EIF4E3: variants seen among roughly 807,000 people sequenced by gnomAD.
The protein encoded by EIF4E3 is eukaryotic translation initiation factor 4E type 3.
A neutral mutation model predicts 31.7 loss-of-function variants in EIF4E3; 26 were observed. The observed-to-expected ratio is 0.82, with a 90% confidence interval of 0.60 to 1.14. The LOEUF (loss-of-function observed/expected upper bound fraction) is 1.14, where lower values mean the gene tolerates loss of function less well. EIF4E3 is among the 50% of genes most tolerant of loss of function. EIF4E3 has a pLI of 0.00. For missense variants in EIF4E3, 304 were observed against 270.9 expected, an observed-to-expected ratio of 1.12 and a Z score of -0.86; for synonymous variants, 128 against 107.7, an observed-to-expected ratio of 1.19 and a Z score of -1.17.
At chr3:71,686,169 TGATA>T (rs1399774184) in intron 6 of EIF4E3, among the ~76,000 whole-genome samples, 2 of 152,102 alleles carry the variant, frequency 1.3e-5, no homozygotes, top group African/African-American at 4.8e-5. Flanking sequence ...TCTTTTTGAT[TGATA>T]GAGACAGGGT....
chr3:71,729,592 A>G (rs1462274750), upstream of EIF4E3, among the ~76,000 whole-genome samples: 1 of 152,210 alleles, frequency 6.6e-6, no homozygotes, highest in African/African-American at 2.4e-5. Flanking sequence ...CTCTCGAGTT[A>G]TCGTTAGGAT....
intron 3 of EIF4E3, among the ~76,000 whole-genome samples, chr3:71,699,401 C>A (rs924845996): frequency 6.6e-6 from 1 of 152,154 alleles, no homozygotes; most frequent in African/African-American, 2.4e-5. Context: ...ACTGGGACTC[C>A]AGCCTGGGCA....
At chr3:71,713,728 C>T (rs1233484563) in intron 1 of EIF4E3, among the ~76,000 whole-genome samples, 2 of 152,082 alleles carry the variant, frequency 1.3e-5, no homozygotes, top group African/African-American at 2.4e-5. Flanking sequence ...TGAGCCATCA[C>T]CTCGAGGCCT....
chr3:71,681,580 G>A lies in EIF4E3; in HGVS notation c.*3102C>T, dbSNP rs971528435. On this transcript the variant is annotated 3_prime_UTR_variant, in exon 7 of 7. Transcript: ENST00000425534. Reference sequence around the variant, plus strand: ...AGATATTTAATGCTTGATTAGGGTGGCTAGTGGGCAGGTTAAGGCTGGCAG... The same window carrying A: ...AGATATTTAATGCTTGATTAGGGTGACTAGTGGGCAGGTTAAGGCTGGCAG... 3.3e-5 allele frequency: 5 copies of A among 152,226 alleles called. No individual in the cohort carries two copies. The highest frequency in any genetic ancestry group is 3.3e-4 in the Admixed American group (5 of 15,280). The allele number at this position is 152,226 out of a possible 1,614,324, so 9.4% of individuals were successfully genotyped here. A position where few individuals can be genotyped will look rare whatever the true frequency, so the allele number is the denominator to read the frequency against.
intron 1 of EIF4E3, among the ~76,000 whole-genome samples, chr3:71,712,011 C>CCG (rs1160753224): frequency 5.3e-5 from 8 of 152,104 alleles, no homozygotes; most frequent in African/African-American, 1.9e-4. Context: ...ATTCTGAATA[C>CCG]CGCTTCCTTA....
chr3:71,669,490 CTAAG>C, the EIF4E3 span, among the ~76,000 whole-genome samples: 2 of 152,124 alleles, frequency 1.3e-5, no homozygotes, highest in African/African-American at 2.4e-5. Context: ...AATTTTTGAA[CTAAG>C]TGTTTTGTCT....
At chr3:71,674,090 CTTTTTTTTTTTT>C (rs71277509), downstream of EIF4E3, among the ~76,000 whole-genome samples, 18 of 25,070 alleles carry the variant, frequency 7.2e-4, no homozygotes, top group South Asian at 4.6e-3. Flanking sequence ...ATCAACTGTA[CTTTTTTTTTTTT>C]TTTTTTTTTT....
intron 2 of EIF4E3, 94 bp downstream of exon 2, chr3:71,710,318 C>A: frequency 1.4e-6 from 2 of 1,398,476 alleles, no homozygotes; most frequent in Non-Finnish European, 2.0e-6. Context: ...GAACCCTGGA[C>A]AGGGGCTGCC....
At chr3:71,694,701 C>T (rs1421230222) in intron 4 of EIF4E3, among the ~76,000 whole-genome samples, 1 of 152,168 alleles carries the variant, frequency 6.6e-6, no homozygotes, top group Non-Finnish European at 1.5e-5. Context: ...TGCCCCCAAA[C>T]TAGGTTTGAA....
At chr3:71,704,834 AGTCTC>A (rs1362258181) in intron 2 of EIF4E3, among the ~76,000 whole-genome samples, 2 of 152,214 alleles carry the variant, frequency 1.3e-5, no homozygotes, top group Admixed American at 1.3e-4. Flanking sequence ...AACAAGGTCA[AGTCTC>A]ACCCCACCCA....
At chr3:71,696,555 G>A (rs757571848) in intron 3 of EIF4E3, 35 bp from the exon 4 acceptor site, 1 of 1,610,930 alleles carries the variant, frequency 6.2e-7, no homozygotes, top group Admixed American at 1.7e-5. Flanking sequence ...GTTACACTCA[G>A]GACTAAGTGA....
Position 71,712,226 on chromosome 3 carries a change from A to G in EIF4E3, c.177-1742T>C, listed in dbSNP as rs185533012. 5.9e-5 allele frequency among the ~76,000 whole-genome samples: 9 copies of G among 152,310 alleles called. No individual in the cohort carries two copies. The East Asian group carries it at 1.7e-3, about 29-fold the overall frequency. On this transcript the variant is annotated intron_variant, in intron 1 of 6. Transcript: ENST00000425534. ...GTTGTCAGACTTTAAGCCTAAAATA[A>G]CTATGTCAAAGAGTGTGGCAAAGAA... is the stretch of plus-strand genomic sequence containing the variant.
chr3:71,680,011 A>G lies in EIF4E3; in HGVS notation c.*4671T>C, dbSNP rs2048904776. 1 of 151,802 alleles carries G rather than the reference A, an allele frequency of 6.6e-6. No homozygotes were observed. Among genetic ancestry groups the G allele is most frequent in the Admixed American group, 6.6e-5 (1 of 15,234 alleles). 9.4% of individuals were successfully genotyped at this position (151,802 alleles called of 1,614,324 possible). On this transcript the variant is annotated 3_prime_UTR_variant, in exon 7 of 7. Coordinates refer to ENST00000425534, the MANE Select transcript of EIF4E3 (RefSeq NM_001134651.2). ...GTATTTAGAAAAGAGAAAAACCACC[A>G]CTCTGTATTAAAGGCTTTATATTAT...
chr3:71,668,800 G>A, the EIF4E3 span, among the ~76,000 whole-genome samples: 1 of 152,212 alleles, frequency 6.6e-6, no homozygotes, highest in African/African-American at 2.4e-5. Context: ...GTTGGTGGAA[G>A]TGTAAATTAG....
At chr3:71,721,475 C>CA (rs2049548182) in intron 1 of EIF4E3, among the ~76,000 whole-genome samples, 1 of 152,150 alleles carries the variant, frequency 6.6e-6, no homozygotes, top group African/African-American at 2.4e-5. Context: ...GCTGTGTCTC[C>CA]ACCCAAAATC....
chr3:71,753,000 C>A (rs1199450764), intron 1 of EIF4E3, among the ~76,000 whole-genome samples: 2 of 152,180 alleles, frequency 1.3e-5, no homozygotes, highest in African/African-American at 4.8e-5. Flanking sequence ...TGCTGCATTT[C>A]TTTTCCCTGA....
intron 2 of EIF4E3, among the ~76,000 whole-genome samples, chr3:71,701,325 C>G (rs9790286): frequency 0.36 from 55,067 of 152,048 alleles, 10,455 homozygotes; most frequent in African/African-American, 0.49. Flanking sequence ...CCTAATGACA[C>G]TCTTAGGAGG....
chr3:71,707,763 C>A (rs1379438743), intron 2 of EIF4E3, among the ~76,000 whole-genome samples: 1 of 152,016 alleles, frequency 6.6e-6, no homozygotes, highest in Non-Finnish European at 1.5e-5. Context: ...ACTTCCCCTG[C>A]AAGAATCAAC....
At chr3:71,737,240 G>A (rs58802673) in intron 1 of EIF4E3, among the ~76,000 whole-genome samples, 23,759 of 152,130 alleles carry the variant, frequency 0.16, 1,925 homozygotes, top group East Asian at 0.32. Context: ...TCACTTCTCC[G>A]AAGTCATCTC....
Sources: gnomAD v4.1 joint callset for allele counts (sites outside exome capture counted in the v4.1 genomes callset) on GRCh38, gnomAD v4.1.1 for gene constraint, MANE v1.5 for transcripts, NCBI Gene and HGNC (gene_info 2026-07-23, HGNC 2026-07-21) for gene names.